The following HSD17B2 variants were observed in gnomAD, a reference collection of about 807,000 sequenced individuals.
HSD17B2 encodes hydroxysteroid 17-beta dehydrogenase 2.
A neutral mutation model predicts 26.9 loss-of-function variants in HSD17B2; 32 were observed. The observed-to-expected ratio is 1.19, with a 90% CI of 0.90 to 1.60. The LOEUF is 1.60. HSD17B2 is among the 40% of genes most tolerant of loss of function. The pLI is 0.00. For missense variants in HSD17B2, 613 were observed against 468.6 expected, an observed-to-expected ratio of 1.31 and a Z score of -2.85; for synonymous variants, 246 against 186.7, an observed-to-expected ratio of 1.32 and a Z score of -2.59.
intron 3 of HSD17B2, among the ~76,000 whole-genome samples, chr16:82,080,225 C>G (rs1326138431): frequency 6.6e-6 from 1 of 152,194 alleles, no homozygotes; most frequent in African/African-American, 2.4e-5. Flanking sequence ...AATGGGTCCC[C>G]AGAAACATAC....
In HSD17B2 at chr16:82,091,029, C is replaced by T. The variant is rs139422971; in HGVS notation, c.792C>T (p.Gly264=). 1.9e-4 allele frequency: 303 copies of T among 1,613,914 alleles called. 1 individual carries two copies. In the African/African-American group the frequency reaches 3.5e-3, roughly 19 times the overall value. Reference sequence around the variant, plus strand: ...AAGTTGCTTCCATCCAACCTGGAGGCTTCCTAACAAGTAGGTTTCTGAGCC... The same window carrying T: ...AAGTTGCTTCCATCCAACCTGGAGGTTTCCTAACAAGTAGGTTTCTGAGCC... ...GIKVASIQPG[G]FLTNIAGTSD... The change falls in exon 4 of 5, where the codon GGC becomes GGT. Residue 264 remains glycine (G), a synonymous_variant. Transcript: ENST00000199936.
At chr16:82,073,592 T>C (rs1195661167) in intron 3 of HSD17B2, among the ~76,000 whole-genome samples, 1 of 152,194 alleles carries the variant, frequency 6.6e-6, no homozygotes, top group Non-Finnish European at 1.5e-5. Context: ...TTAACCCATC[T>C]GAAACAAAAC....
At chr16:82,085,788 T>A (rs62046327) in intron 3 of HSD17B2, among the ~76,000 whole-genome samples, 4 of 151,846 alleles carry the variant, frequency 2.6e-5, no homozygotes, top group African/African-American at 9.7e-5. Flanking sequence ...TTGGCGGTAC[T>A]AATCCCCGGA....
At chr16:82,098,036 C>T (rs1240370470) in intron 4 of HSD17B2, 39 bp from the exon 5 acceptor site, 1 of 1,572,364 alleles carries the variant, frequency 6.4e-7, no homozygotes, top group Non-Finnish European at 8.6e-7. Context: ...CTTCCTTGGC[C>T]TTCCCAGGAT....
chr16:82,079,248 A>G (rs867572984), intron 3 of HSD17B2, among the ~76,000 whole-genome samples: 2 of 152,244 alleles, frequency 1.3e-5, no homozygotes, highest in Admixed American at 6.5e-5. Context: ...TAGGGCTACC[A>G]TAAGAAAATA....
chr16:82,045,121 C>CAAAAA (rs10565056), intron 1 of HSD17B2, among the ~76,000 whole-genome samples: 1 of 42,756 alleles, frequency 2.3e-5, no homozygotes, highest in African/African-American at 5.9e-5. Flanking sequence ...AAACTCTGTC[C>CAAAAA]AAAAAAAAAA....
chr16:82,052,699 A>T (rs1394420728), intron 1 of HSD17B2, among the ~76,000 whole-genome samples: 1 of 152,162 alleles, frequency 6.6e-6, no homozygotes, highest in Non-Finnish European at 1.5e-5. Context: ...CAATCCAGGG[A>T]AAAATATCCT....
chr16:82,082,954 C>T (rs142574115), intron 3 of HSD17B2, among the ~76,000 whole-genome samples: 2 of 152,238 alleles, frequency 1.3e-5, no homozygotes, highest in African/African-American at 4.8e-5. Flanking sequence ...TCTGACTCAC[C>T]AAGCCACCTC....
intron 1 of HSD17B2, among the ~76,000 whole-genome samples, chr16:82,051,832 C>T (rs1469634390): frequency 6.6e-6 from 1 of 152,230 alleles, no homozygotes. Context: ...AGATAATTAA[C>T]ATCTCAGAGC....
chr16:82,069,829 T>G (rs1389574835), intron 2 of HSD17B2, among the ~76,000 whole-genome samples: 1 of 152,092 alleles, frequency 6.6e-6, no homozygotes, highest in Non-Finnish European at 1.5e-5. Flanking sequence ...GAATGTTAGT[T>G]GGTGACAGCA....
intron 1 of HSD17B2, among the ~76,000 whole-genome samples, chr16:82,065,634 C>T (rs919644888): frequency 1.3e-5 from 2 of 152,216 alleles, no homozygotes; most frequent in African/African-American, 2.4e-5. Context: ...CAACCTGGTT[C>T]AAAGTTAGTT....
chr16:82,037,356 A>T (rs1913650729), intron 1 of HSD17B2, among the ~76,000 whole-genome samples: 1 of 152,228 alleles, frequency 6.6e-6, no homozygotes, highest in Non-Finnish European at 1.5e-5. Context: ...GAAATCGAGA[A>T]ATTTAAAATG....
intron 3 of HSD17B2, among the ~76,000 whole-genome samples, chr16:82,072,536 C>A (rs992237297): frequency 1.5e-4 from 23 of 152,310 alleles, no homozygotes; most frequent in Non-Finnish European, 2.8e-4. Flanking sequence ...GTACTGCCTC[C>A]TCCTTGGCAC....
In HSD17B2 at chr16:82,043,684, C is replaced by CAAAAAA. The variant is rs398030034; in HGVS notation, c.265+8020_265+8025dup. ...TGGGCGACAAGGCAAAACTCTGTCT[C>CAAAAAA]AAAAAAAAAAAAAAAAAAAAAAAAA... On this transcript the variant is annotated intron_variant, in intron 1 of 4. Coordinates refer to ENST00000199936, the MANE Select transcript of HSD17B2 (RefSeq NM_002153.3). Among the ~76,000 whole-genome samples the CAAAAAA allele has an allele frequency of 3.1e-4, 7 of 22,544 alleles. 1 individual carries two copies. The highest frequency in any genetic ancestry group is 1.4e-3 in the East Asian group (1 of 704). The allele number at this position is 22,544 out of a possible 152,430, so 14.8% of individuals were successfully genotyped here. A position where few individuals can be genotyped will look rare whatever the true frequency, so the allele number is the denominator to read the frequency against.
chr16:82,077,605 C>A lies in HSD17B2; in HGVS notation c.664+6478C>A, dbSNP rs149375116. Among the ~76,000 whole-genome samples the A allele has an allele frequency of 3.7e-3, 561 of 152,254 alleles. 6 individuals carry two copies. The highest frequency in any genetic ancestry group is 0.013 in the African/African-American group (524 of 41,534). Reference sequence around the variant, plus strand: ...ATTAGCCAGGCATGGTGGCATGTGCCTGTAGTCCTAGCTACTCAGGAGGCT... The same window carrying A: ...ATTAGCCAGGCATGGTGGCATGTGCATGTAGTCCTAGCTACTCAGGAGGCT... On this transcript the variant is annotated intron_variant, in intron 3 of 4. Coordinates refer to ENST00000199936, the MANE Select transcript of HSD17B2 (RefSeq NM_002153.3).
rs546317746 is a variant in HSD17B2 at position 82,088,202 on chromosome 16, C to T, written c.665-2700C>T. Among the ~76,000 whole-genome samples, 10 of 152,252 alleles carry T rather than the reference C, an allele frequency of 6.6e-5. No individual in the cohort carries two copies. The South Asian group carries it at 2.1e-3, about 32-fold the overall frequency. On this transcript the variant is annotated intron_variant, in intron 3 of 4. Coordinates refer to ENST00000199936, the MANE Select transcript of HSD17B2 (RefSeq NM_002153.3). ...TAATCCACATAGTAAACAACGGCTG[C>T]TGGAGATTCTGAAGCAGGTGCACTT...
chr16:82,090,945 G>A lies in HSD17B2; in HGVS notation c.708G>A (p.Lys236=), dbSNP rs761592741. ...GGCTGGCATCTTATGGCTCATCAAA[G>A]GCGGCTGTGACCATGTTCTCATCAG... The part of the protein sequence containing the change: ...MERLASYGSS[K]AAVTMFSSVM... The change falls in exon 4 of 5, where the codon AAG becomes AAA. Residue 236 remains lysine, a synonymous_variant. Coordinates refer to ENST00000199936, the MANE Select transcript of HSD17B2 (RefSeq NM_002153.3). 1.2e-4 allele frequency: 199 copies of A among 1,613,920 alleles called. No individual in the cohort carries two copies. Among genetic ancestry groups the A allele is most frequent in the Non-Finnish European group, 1.6e-4 (192 of 1,179,946 alleles).
rs1260499810 is a variant in HSD17B2 at position 82,070,928 on chromosome 16, T to A, written c.479-14T>A. 6.2e-7 allele frequency: 1 copy of A among 1,606,290 alleles called. No individual in the cohort carries two copies. Reference sequence around the variant, plus strand: ...TCTTCCAGACACTCACTCATTATGGTTTTCTGTCTCCAGGACTGTGGGCTG... The same window carrying A: ...TCTTCCAGACACTCACTCATTATGGATTTCTGTCTCCAGGACTGTGGGCTG... On this transcript the variant is annotated splice_polypyrimidine_tract_variant and intron_variant, in intron 2 of 4. Transcript: ENST00000199936.
At chr16:82,073,483 C>T (rs1298191159) in intron 3 of HSD17B2, among the ~76,000 whole-genome samples, 1 of 152,090 alleles carries the variant, frequency 6.6e-6, no homozygotes, top group African/African-American at 2.4e-5. Context: ...CTCAGCCCCC[C>T]AAAGTTCTGG....
Sources: gnomAD v4.1 joint callset for allele counts (sites outside exome capture counted in the v4.1 genomes callset) on GRCh38, gnomAD v4.1.1 for gene constraint, MANE v1.5 for transcripts, NCBI Gene and HGNC (gene_info 2026-07-23, HGNC 2026-07-21) for gene names.